ZBTB7C: variants seen among roughly 807,000 people sequenced by gnomAD.
ZBTB7C encodes zinc finger and BTB domain-containing protein 7C.
In ZBTB7C, 8 loss-of-function variants were observed where a neutral mutation model predicts 25.7. The observed-to-expected ratio is 0.31, with a 90% CI of 0.18 to 0.56. The LOEUF is 0.56. Ranked by LOEUF, ZBTB7C falls within the 20% of genes least tolerant of loss-of-function variation. ZBTB7C has a pLI of 0.91. For missense variants in ZBTB7C, 824 were observed against 855.2 expected, an observed-to-expected ratio of 0.96 and a Z score of 0.46; for synonymous variants, 394 against 369.0, an observed-to-expected ratio of 1.07 and a Z score of -0.78.
At chr18:48,033,159 G>T (rs2144089023) in intron 4 of ZBTB7C, among the ~76,000 whole-genome samples, 1 of 152,296 alleles carries the variant, frequency 6.6e-6, no homozygotes, top group African/African-American at 2.4e-5. Context: ...ATTGTCCAGG[G>T]CAGATGGAGA....
At chr18:48,167,285 C>T (rs1196729663) in intron 3 of ZBTB7C, among the ~76,000 whole-genome samples, 2 of 152,238 alleles carry the variant, frequency 1.3e-5, no homozygotes, top group Admixed American at 6.5e-5. Context: ...TACCCATTTC[C>T]TCTGCCCTTT....
intron 1 of ZBTB7C, among the ~76,000 whole-genome samples, chr18:48,371,339 G>C (rs1173458233): frequency 1.3e-5 from 2 of 152,132 alleles, no homozygotes; most frequent in Non-Finnish European, 2.9e-5. Flanking sequence ...TCCATCCTGT[G>C]GAACTGGAAA....
chr18:48,324,816 GA>G (rs1281974852), intron 2 of ZBTB7C, among the ~76,000 whole-genome samples: 1 of 152,156 alleles, frequency 6.6e-6, no homozygotes, highest in African/African-American at 2.4e-5. Flanking sequence ...AACGCCGGGG[GA>G]CCTGTCTGGG....
At chr18:48,231,701 G>A (rs1471589746) in intron 2 of ZBTB7C, among the ~76,000 whole-genome samples, 1 of 152,230 alleles carries the variant, frequency 6.6e-6, no homozygotes, top group Non-Finnish European at 1.5e-5. Context: ...GCTGAAGCAT[G>A]CCCCTTGCTC....
At chr18:48,213,006 C>T (rs374692251) in intron 2 of ZBTB7C, among the ~76,000 whole-genome samples, 6 of 152,316 alleles carry the variant, frequency 3.9e-5, no homozygotes, top group Admixed American at 2.0e-4. Context: ...AAGGGAAGGC[C>T]TTTCCTCCAG....
intron 3 of ZBTB7C, among the ~76,000 whole-genome samples, chr18:48,094,202 T>C (rs886904692): frequency 6.6e-6 from 1 of 152,266 alleles, no homozygotes; most frequent in African/African-American, 2.4e-5. Context: ...ATGGGTAATG[T>C]GGTCACAGCT....
At chr18:48,408,097 C>G (rs867961147) in intron 1 of ZBTB7C, among the ~76,000 whole-genome samples, 1 of 152,242 alleles carries the variant, frequency 6.6e-6, no homozygotes. Context: ...TCTAGCCTTG[C>G]GCATGGTCCA....
intron 2 of ZBTB7C, among the ~76,000 whole-genome samples, chr18:48,313,400 G>C (rs1055749255): frequency 3.3e-5 from 5 of 152,206 alleles, no homozygotes; most frequent in African/African-American, 1.2e-4. Context: ...TTGGTGCTTA[G>C]GCCCTGTCCA....
chr18:48,125,308 C>T (rs1040280962), intron 3 of ZBTB7C, among the ~76,000 whole-genome samples: 4 of 152,030 alleles, frequency 2.6e-5, no homozygotes, highest in South Asian at 2.1e-4. Flanking sequence ...CTGTGGAAGC[C>T]GTGTAAGGGA....
At chr18:48,400,455 T>C (rs1391551544) in intron 1 of ZBTB7C, among the ~76,000 whole-genome samples, 1 of 152,210 alleles carries the variant, frequency 6.6e-6, no homozygotes, top group African/African-American at 2.4e-5. Flanking sequence ...TATATGCCTA[T>C]CAGTGGGCCA....
chr18:48,411,728 G>T (rs2048384976), upstream of ZBTB7C, among the ~76,000 whole-genome samples: 1 of 152,196 alleles, frequency 6.6e-6, no homozygotes, highest in African/African-American at 2.4e-5. Context: ...GAGAAAAGAG[G>T]GATGTGGGCA....
chr18:48,268,597 G>C (rs1036530529), intron 2 of ZBTB7C, among the ~76,000 whole-genome samples: 1 of 151,850 alleles, frequency 6.6e-6, no homozygotes, highest in Non-Finnish European at 1.5e-5. Context: ...TATCAAGGGT[G>C]GGGGGGATTC....
intron 2 of ZBTB7C, among the ~76,000 whole-genome samples, chr18:48,271,372 A>T (rs976012934): frequency 6.6e-6 from 1 of 152,018 alleles, no homozygotes; most frequent in African/African-American, 2.4e-5. Flanking sequence ...TTAGCAATGC[A>T]TCAAAATTAC....
chr18:48,130,590 A>G (rs1386450325), intron 3 of ZBTB7C, among the ~76,000 whole-genome samples: 2 of 152,204 alleles, frequency 1.3e-5, no homozygotes, highest in East Asian at 3.8e-4. Context: ...TCAAAGCTGA[A>G]CTTCAGAAAC....
At chr18:48,268,958 CTT>C (rs140699441) in intron 2 of ZBTB7C, among the ~76,000 whole-genome samples, 54 of 118,990 alleles carry the variant, frequency 4.5e-4, no homozygotes, top group African/African-American at 1.3e-3. Flanking sequence ...TGCTCTGTTT[CTT>C]TTTTTTTTTT....
intron 1 of ZBTB7C, among the ~76,000 whole-genome samples, chr18:48,368,262 A>T (rs2047298962): frequency 1.3e-5 from 2 of 151,906 alleles, no homozygotes; most frequent in Non-Finnish European, 2.9e-5. Context: ...AAAAAAATCA[A>T]ATATAAAGAA....
chr18:48,221,850 GCTGTCCTAGTCTCCCTCTATA>G (rs2042968464), intron 2 of ZBTB7C, among the ~76,000 whole-genome samples: 2 of 90,174 alleles, frequency 2.2e-5, no homozygotes, highest in African/African-American at 7.8e-5. Flanking sequence ...CTCCCTCTAT[GCTGTCCTAGTCTCCCTCTATA>G]CTGTCCTAGT....
At chr18:48,243,486 C>T (rs1029572762) in intron 2 of ZBTB7C, among the ~76,000 whole-genome samples, 2 of 152,022 alleles carry the variant, frequency 1.3e-5, no homozygotes, top group Non-Finnish European at 2.9e-5. Context: ...AAGACCTCTA[C>T]AAGAAAAACT....
At chr18:48,171,243 T>C (rs2041468885) in intron 3 of ZBTB7C, among the ~76,000 whole-genome samples, 2 of 152,110 alleles carry the variant, frequency 1.3e-5, no homozygotes, top group South Asian at 4.2e-4. Context: ...TGTGGCTTCT[T>C]CCCCGAGCTG....
Sources: gnomAD v4.1 joint callset for allele counts (sites outside exome capture counted in the v4.1 genomes callset) on GRCh38, gnomAD v4.1.1 for gene constraint, MANE v1.5 for transcripts, NCBI Gene and HGNC (gene_info 2026-07-23, HGNC 2026-07-21) for gene names.